COG5: variants seen among roughly 807,000 people sequenced by gnomAD.
COG5 encodes component of oligomeric golgi complex 5.
In COG5, 86 loss-of-function variants were observed where a neutral mutation model predicts 110.4. That is an observed-to-expected ratio of 0.78 (90% CI 0.65 to 0.93). The LOEUF is 0.93. COG5 is among the 40% of genes least tolerant of loss of function. The pLI is 0.00. For missense variants in COG5, 1,077 were observed against 987.0 expected (o/e 1.09, Z -1.22); for synonymous variants, 360 against 334.6 (o/e 1.08, Z -0.83).
intron 3 of COG5, among the ~76,000 whole-genome samples, chr7:107,552,570 C>A (rs1473616381): frequency 1.3e-5 from 2 of 152,066 alleles, no homozygotes; most frequent in South Asian, 2.1e-4. Context: ...ATCAAAACCA[C>A]AATGAGATAC....
chr7:107,544,543 T>C (rs1802279176), intron 5 of COG5, among the ~76,000 whole-genome samples: 2 of 152,200 alleles, frequency 1.3e-5, no homozygotes, highest in Admixed American at 1.3e-4. Flanking sequence ...ACCAGACCTG[T>C]GCACCTGCTA....
At chr7:107,432,862 A>T (rs1413960573) in intron 6 of COG5, among the ~76,000 whole-genome samples, 1 of 152,168 alleles carries the variant, frequency 6.6e-6, no homozygotes, top group Non-Finnish European at 1.5e-5. Context: ...AATAAAAGGC[A>T]TCCAAATTGG....
Position 107,258,315 on chromosome 7 carries a change from T to G in COG5, c.1644A>C (p.Ala548=). The change falls in exon 15 of 22, where the codon GCA becomes GCC. Residue 548 remains alanine, a synonymous_variant. Coordinates refer to ENST00000297135, the MANE Select transcript of COG5 (RefSeq NM_006348.5). The stretch of plus-strand genomic sequence containing the variant: ...GCAACTTATACAATGAATTCACTAC[T>G]GCCACATTTCTTCTCTGTCCTTCAG... The part of the protein sequence containing the change: ...PLTEGQRRNV[A]VVNSLYKLHQ... The G allele has an allele frequency of 5.0e-6, 8 of 1,613,102 alleles. No homozygotes were observed. The highest frequency in any genetic ancestry group is 5.9e-6 in the Non-Finnish European group (7 of 1,179,152).
chr7:107,424,736 T>C (rs958290805), intron 6 of COG5, among the ~76,000 whole-genome samples: 8 of 152,100 alleles, frequency 5.3e-5, no homozygotes, highest in Non-Finnish European at 1.0e-4. Flanking sequence ...TTTGACAGAC[T>C]AGAAAACAGA....
At chr7:107,424,172 C>T (rs138576028) in intron 6 of COG5, among the ~76,000 whole-genome samples, 7,944 of 152,006 alleles carry the variant, frequency 0.052, 283 homozygotes, top group East Asian at 0.16. Context: ...ACTCGGGAGG[C>T]TGAGGCACAA....
Position 107,467,894 on chromosome 7 carries a change from A to AGAGCACT in COG5, c.539-55269_539-55263dup, listed in dbSNP as rs111318117. Among the ~76,000 whole-genome samples the AGAGCACT allele has an allele frequency of 5.6e-3, 853 of 152,356 alleles. 11 individuals carry two copies. The highest frequency in any genetic ancestry group is 0.02 in the African/African-American group (822 of 41,590). ...GACAAGTTACTCATACAGAAAATAA[A>AGAGCACT]GAGCACTGTCTGTGCTCGAGCTACC... On this transcript the variant is annotated intron_variant, in intron 6 of 21. Coordinates refer to ENST00000297135, the MANE Select transcript of COG5 (RefSeq NM_006348.5).
intron 11 of COG5, among the ~76,000 whole-genome samples, chr7:107,320,777 T>C (rs1809194902): frequency 6.6e-6 from 1 of 152,182 alleles, no homozygotes; most frequent in South Asian, 2.1e-4. Context: ...ACCCTCTCCA[T>C]AATTACAGGA....
At chr7:107,513,080 C>T (rs1341726712) in intron 6 of COG5, among the ~76,000 whole-genome samples, 1 of 151,482 alleles carries the variant, frequency 6.6e-6, no homozygotes, top group Non-Finnish European at 1.5e-5. Context: ...TTCTACACAG[C>T]AAAAGAAACT....
intron 2 of COG5, among the ~76,000 whole-genome samples, chr7:107,555,665 G>T (rs1803257250): frequency 6.6e-6 from 1 of 152,098 alleles, no homozygotes; most frequent in Non-Finnish European, 1.5e-5. Context: ...TAGTTTCATG[G>T]ACTCCCTTGC....
chr7:107,556,146 G>A (rs1432729602), intron 2 of COG5, among the ~76,000 whole-genome samples: 1 of 152,142 alleles, frequency 6.6e-6, no homozygotes, highest in Non-Finnish European at 1.5e-5. Context: ...CAGATATCTA[G>A]AGGCAGAATT....
chr7:107,367,584 A>C (rs1190488621), intron 8 of COG5, among the ~76,000 whole-genome samples: 1 of 151,858 alleles, frequency 6.6e-6, no homozygotes, highest in African/African-American at 2.4e-5. Flanking sequence ...ACACACACAC[A>C]CCATGGAACA....
At chr7:107,539,729 T>C (rs1225869519) in intron 5 of COG5, among the ~76,000 whole-genome samples, 1 of 152,220 alleles carries the variant, frequency 6.6e-6, no homozygotes, top group African/African-American at 2.4e-5. Flanking sequence ...ATGTAACTTA[T>C]AACTCAATTT....
chr7:107,252,459 C>G (rs1341849823), intron 16 of COG5, among the ~76,000 whole-genome samples: 1 of 151,980 alleles, frequency 6.6e-6, no homozygotes, highest in Non-Finnish European at 1.5e-5. Context: ...GTGAATTCTA[C>G]TAAACACTTG....
At chr7:107,203,881 A>G (rs1435256121) in intron 21 of COG5, among the ~76,000 whole-genome samples, 2 of 152,162 alleles carry the variant, frequency 1.3e-5, no homozygotes, top group African/African-American at 4.8e-5. Context: ...GTCTAGTCAT[A>G]TACTCGGAGT....
At chr7:107,483,880 A>G (rs2129122678) in intron 6 of COG5, among the ~76,000 whole-genome samples, 1 of 63,628 alleles carries the variant, frequency 1.6e-5, no homozygotes, top group Admixed American at 2.3e-4. Context: ...TGTCACGGGT[A>G]TGGTTATACA....
At chr7:107,220,627 C>G (rs549323719) in intron 19 of COG5, among the ~76,000 whole-genome samples, 55 of 152,322 alleles carry the variant, frequency 3.6e-4, no homozygotes, top group African/African-American at 1.3e-3. Flanking sequence ...GCTCCCTAAA[C>G]TCCAAATCCA....
chr7:107,240,822 T>C (rs1042624642), intron 17 of COG5, among the ~76,000 whole-genome samples: 1 of 151,952 alleles, frequency 6.6e-6, no homozygotes. Flanking sequence ...ATGGGGGCAA[T>C]ACTTTAAATA....
intron 20 of COG5, 71 bp from the exon 21 acceptor site, chr7:107,210,676 G>A (rs530476928): frequency 3.4e-6 from 5 of 1,476,916 alleles, no homozygotes; most frequent in Admixed American, 2.0e-5. Flanking sequence ...GTGCTGGTTC[G>A]AAAAGCACTC....
chr7:107,468,754 C>A (rs1796453483), intron 6 of COG5, among the ~76,000 whole-genome samples: 1 of 151,946 alleles, frequency 6.6e-6, no homozygotes, highest in Non-Finnish European at 1.5e-5. Flanking sequence ...GTTCCAATTG[C>A]AAATAAAAAC....
Sources: allele counts gnomAD v4.1 joint callset (sites outside exome capture counted in the v4.1 genomes callset), GRCh38; gene constraint gnomAD v4.1.1; transcripts MANE v1.5; gene names NCBI Gene and HGNC (gene_info 2026-07-23, HGNC 2026-07-21).